The following DTHD1 variants were observed in gnomAD, a reference collection of about 807,000 sequenced individuals.
DTHD1 encodes death domain containing 1.
DTHD1 carries 59 observed loss-of-function variants against 74.8 expected under a neutral mutation model. The observed-to-expected ratio is 0.79, with a 90% CI of 0.64 to 0.98. The LOEUF (loss-of-function observed/expected upper bound fraction) is 0.98. DTHD1 is among the 50% of genes least tolerant of loss of function. The pLI is 0.00. For synonymous variants in DTHD1, 365 were observed against 371.1 expected, an observed-to-expected ratio of 0.98 and a Z score of 0.19; for missense variants, 1,051 against 1,065.4, an observed-to-expected ratio of 0.99 and a Z score of 0.19.
At chr4:36,323,690 C>A (rs1472388186) in intron 8 of DTHD1, among the ~76,000 whole-genome samples, 1 of 151,972 alleles carries the variant, frequency 6.6e-6, no homozygotes, top group East Asian at 1.9e-4. Flanking sequence ...ATAGTGCCCA[C>A]ATTGTGATTG....
At chr4:36,328,536 A>G (rs754407803) in intron 8 of DTHD1, among the ~76,000 whole-genome samples, 1 of 152,200 alleles carries the variant, frequency 6.6e-6, no homozygotes, top group Non-Finnish European at 1.5e-5. Context: ...ACTTAAATAC[A>G]CACAAAAACA....
At position 36,331,017 on chromosome 4, in the gene DTHD1, T is replaced by C. The variant is rs190191447; in HGVS notation, c.2341-8095T>C. Among the ~76,000 whole-genome samples, 344 of 152,184 alleles carry C rather than the reference T, an allele frequency of 2.3e-3. 5 individuals carry two copies. Among genetic ancestry groups the C allele is most frequent in the Non-Finnish European group, 3.2e-4 (22 of 67,948 alleles). On this transcript the variant is annotated intron_variant, in intron 8 of 9. Coordinates refer to ENST00000639862, the MANE Select transcript of DTHD1 (RefSeq NM_001170700.3). The stretch of plus-strand genomic sequence containing the variant: ...AACTTGAGGTCATACATCATAAAAT[T>C]CAGCATAACCTTTACTATTATTATT...
intron 3 of DTHD1, among the ~76,000 whole-genome samples, chr4:36,291,548 G>A (rs1756078464): frequency 6.6e-6 from 1 of 152,190 alleles, no homozygotes; most frequent in Admixed American, 6.5e-5. Flanking sequence ...TAGTATGGAG[G>A]CCAGGCGTGG....
rs1759546602 is a variant in DTHD1 at position 36,345,576 on chromosome 4, C to G, written c.*1752C>G. The G allele has an allele frequency of 1.3e-5, 2 of 152,114 alleles. No individual in the cohort carries two copies. The highest frequency in any genetic ancestry group is 2.9e-5 in the Non-Finnish European group (2 of 68,004). The allele number at this position is 152,114 out of a possible 1,614,324, so 9.4% of individuals were successfully genotyped here. ...CAGGTATATATCAAAAAAGGCGATT[C>G]CCATTTTCAAACATAGTCCCATAAA... On this transcript the variant is annotated 3_prime_UTR_variant, in exon 10 of 10. Transcript: ENST00000639862.
At chr4:36,304,253 T>C (rs1030763467) in intron 5 of DTHD1, among the ~76,000 whole-genome samples, 3 of 152,198 alleles carry the variant, frequency 2.0e-5, no homozygotes, top group Non-Finnish European at 2.9e-5. Flanking sequence ...AAATGACCAA[T>C]ATTCTGGATT....
chr4:36,284,454 T>C lies in DTHD1; in HGVS notation c.750T>C (p.Ile250=), dbSNP rs976421343. 6.5e-7 allele frequency: 1 copy of C among 1,536,824 alleles called. No homozygotes were observed. Among genetic ancestry groups the C allele is most frequent in the African/African-American group, 1.4e-5 (1 of 72,976 alleles). The change falls in exon 2 of 10, where the codon ATT becomes ATC. Residue 250 remains isoleucine, a synonymous_variant. Coordinates refer to ENST00000639862, the MANE Select transcript of DTHD1 (RefSeq NM_001170700.3). ...HGIIQTTETE[I]QETSESPREE... is the part of the protein sequence containing the mutation. ...TAATTCAGACAACAGAGACAGAAAT[T>C]CAAGAGACTTCAGAAAGCCCAAGAG...
intron 7 of DTHD1, among the ~76,000 whole-genome samples, chr4:36,316,011 C>T (rs1170818727): frequency 6.6e-6 from 1 of 152,212 alleles, no homozygotes; most frequent in Admixed American, 6.5e-5. Context: ...TCTCCGCTCA[C>T]TGTAAGCACC....
Position 36,308,264 on chromosome 4 carries a change from A to G in DTHD1, c.1866A>G (p.Lys622=). The change falls in exon 7 of 10, where the codon AAA becomes AAG. Residue 622 remains lysine (K), a synonymous_variant. Transcript: ENST00000639862. ...ATAGTCATTTGGTTACTTTTGTGAA[A>G]TCTTTAGAGGAAGCCATGCTCAGCA... The part of the protein sequence containing the change: ...MDNSHLVTFV[K]SLEEAMLSTT... The G allele has an allele frequency of 6.4e-7, 1 of 1,552,218 alleles. No individual in the cohort carries two copies. Among genetic ancestry groups the G allele is most frequent in the Non-Finnish European group, 8.7e-7 (1 of 1,147,102 alleles).
intron 4 of DTHD1, 150 bp downstream of exon 4, chr4:36,293,855 C>A: frequency 1.9e-6 from 1 of 539,336 alleles, no homozygotes; most frequent in Non-Finnish European, 2.9e-6. Flanking sequence ...ATAGTGATAT[C>A]AGCAATAATG....
intron 5 of DTHD1, among the ~76,000 whole-genome samples, chr4:36,298,841 G>T (rs1214232744): frequency 6.6e-6 from 1 of 152,058 alleles, no homozygotes; most frequent in Non-Finnish European, 1.5e-5. Context: ...ACAGGAAAAT[G>T]GTTTTTGCCC....
intron 2 of DTHD1, among the ~76,000 whole-genome samples, chr4:36,289,492 A>G (rs565042731): frequency 7.0e-4 from 107 of 152,264 alleles, no homozygotes; most frequent in African/African-American, 2.4e-3. Context: ...AAAACTTACC[A>G]TCTGTGGGAT....
chr4:36,338,314 T>TC (rs1759125229), intron 8 of DTHD1, among the ~76,000 whole-genome samples: 1 of 152,216 alleles, frequency 6.6e-6, no homozygotes, highest in Non-Finnish European at 1.5e-5. Flanking sequence ...TTACTTTAGT[T>TC]CCTGTAGTGT....
chr4:36,319,286 T>C (rs1757925341), intron 8 of DTHD1, among the ~76,000 whole-genome samples: 1 of 152,236 alleles, frequency 6.6e-6, no homozygotes, highest in Non-Finnish European at 1.5e-5. Flanking sequence ...TAAATATCTA[T>C]GACTTGGTGA....
intron 8 of DTHD1, among the ~76,000 whole-genome samples, chr4:36,332,311 T>C (rs1020897161): frequency 1.3e-5 from 2 of 152,196 alleles, no homozygotes; most frequent in Non-Finnish European, 2.9e-5. Flanking sequence ...GTTTTGCCCT[T>C]CCAAATATGT....
At chr4:36,332,346 A>G (rs1369563630) in intron 8 of DTHD1, among the ~76,000 whole-genome samples, 2 of 152,064 alleles carry the variant, frequency 1.3e-5, no homozygotes, top group Non-Finnish European at 2.9e-5. Context: ...AGGATTTACA[A>G]TTTTCCAGAC....
rs746447611 is a variant in DTHD1 at position 36,308,505 on chromosome 4, G to T, written c.2095+12G>T. On this transcript the variant is annotated intron_variant, in intron 7 of 9. Coordinates refer to ENST00000639862, the MANE Select transcript of DTHD1 (RefSeq NM_001170700.3). ...CATATTTGCTTCAAGTAAGTATAAA[G>T]AAATCTTTTTATATATTTTATTGGC... The T allele has an allele frequency of 1.8e-5, 28 of 1,532,988 alleles. No homozygotes were observed. The South Asian group carries it at 2.9e-4, about 16-fold the overall frequency. The allele number at this position is 1,532,988 out of a possible 1,614,324, so 95.0% of individuals were successfully genotyped here. A position where few individuals can be genotyped will look rare whatever the true frequency, so the allele number is the denominator to read the frequency against.
rs1183626762 is a variant in DTHD1 at position 36,284,427 on chromosome 4, C to T, written c.723C>T (p.Gly241=). The part of the protein sequence containing the change: ...NINGNREETH[G]IIQTTETEIQ... ...ATGGCAACAGGGAAGAGACTCATGG[C>T]ATAATTCAGACAACAGAGACAGAAA... is the stretch of plus-strand genomic sequence containing the variant. The change falls in exon 2 of 10, where the codon GGC becomes GGT. Residue 241 remains glycine, a synonymous_variant. Coordinates refer to ENST00000639862, the MANE Select transcript of DTHD1 (RefSeq NM_001170700.3). The T allele has an allele frequency of 2.6e-6, 4 of 1,536,934 alleles. No homozygotes were observed. The Admixed American group carries it at 7.8e-5, about 30-fold the overall frequency.
chr4:36,302,096 A>G (rs930346949), intron 5 of DTHD1, among the ~76,000 whole-genome samples: 5 of 152,196 alleles, frequency 3.3e-5, no homozygotes, highest in African/African-American at 9.7e-5. Context: ...AGGGTGGAAT[A>G]ACTGAACCAC....
At chr4:36,292,031 T>G (rs867559371) in intron 3 of DTHD1, among the ~76,000 whole-genome samples, 1 of 152,206 alleles carries the variant, frequency 6.6e-6, no homozygotes, top group African/African-American at 2.4e-5. Context: ...ATATTTATTT[T>G]GTGATTTTGA....
Sources: allele counts gnomAD v4.1 joint callset (sites outside exome capture counted in the v4.1 genomes callset), GRCh38; gene constraint gnomAD v4.1.1; transcripts MANE v1.5; gene names NCBI Gene and HGNC (gene_info 2026-07-23, HGNC 2026-07-21).